The following SS18 variants were observed in gnomAD, a reference collection of about 807,000 sequenced individuals.
SS18 encodes protein SSXT.
Under a neutral mutation model 72.5 loss-of-function variants are expected in SS18, and 28 were observed. That is an observed-to-expected ratio of 0.39 (90% CI 0.29 to 0.53). The LOEUF (loss-of-function observed/expected upper bound fraction) is 0.53. Among genes scored for constraint, SS18 ranks in the 20% least tolerant of loss-of-function variants. SS18 has a pLI of 0.76. For synonymous variants in SS18, 172 were observed against 164.2 expected, an observed-to-expected ratio of 1.05 and a Z score of -0.37; for missense variants, 518 against 535.3, an observed-to-expected ratio of 0.97 and a Z score of 0.32.
At chr18:26,027,643 G>A (rs1258828610) in intron 10 of SS18, among the ~76,000 whole-genome samples, 1 of 115,480 alleles carries the variant, frequency 8.7e-6, no homozygotes, top group African/African-American at 3.3e-5. Context: ...CTGCACACCA[G>A]CCTGGTGGTG....
intron 10 of SS18, 121 bp downstream of exon 10, chr18:26,032,278 C>T: frequency 1.7e-6 from 2 of 1,162,968 alleles, no homozygotes; most frequent in South Asian, 1.6e-5. Context: ...ACAAATGTAC[C>T]ATAAACATTC....
rs757301719 is a variant in SS18 at position 26,062,454 on chromosome 18, A to C, written c.232-4712T>G. 8.3e-4 allele frequency among the ~76,000 whole-genome samples: 126 copies of C among 152,214 alleles called. 2 individuals carry two copies. Among genetic ancestry groups the C allele is most frequent in the Non-Finnish European group, 5.9e-4 (40 of 68,036 alleles). ...TATTAAAGATGTACACTGTAAAATTATATGTAAAATCAAATAGAAAAAATT... is the reference window on the plus strand; with the variant it reads ...TATTAAAGATGTACACTGTAAAATTCTATGTAAAATCAAATAGAAAAAATT... On this transcript the variant is annotated intron_variant, in intron 3 of 10. Transcript: ENST00000415083.
intron 10 of SS18, among the ~76,000 whole-genome samples, chr18:26,027,639 A>C (rs1475162925): frequency 1.4e-5 from 2 of 138,442 alleles, no homozygotes; most frequent in Non-Finnish European, 3.1e-5. Context: ...GCCACTGCAC[A>C]CCAGCCTGGT....
At chr18:26,062,171 G>A (rs1391834254) in intron 3 of SS18, among the ~76,000 whole-genome samples, 1 of 152,282 alleles carries the variant, frequency 6.6e-6, no homozygotes. Flanking sequence ...TGAGACAGGA[G>A]AGTTGCTTGA....
At chr18:26,046,530 T>A (rs2053826794) in intron 5 of SS18, among the ~76,000 whole-genome samples, 2 of 152,236 alleles carry the variant, frequency 1.3e-5, no homozygotes, top group South Asian at 4.1e-4. Flanking sequence ...ACTTCTCTCA[T>A]TTGTATCAAT....
intron 3 of SS18, among the ~76,000 whole-genome samples, chr18:26,064,588 T>C (rs963097443): frequency 1.3e-5 from 2 of 152,038 alleles, no homozygotes; most frequent in Non-Finnish European, 2.9e-5. Flanking sequence ...ATAAAATCTT[T>C]CAGAAACTAA....
intron 5 of SS18, among the ~76,000 whole-genome samples, chr18:26,051,524 T>C (rs1452899538): frequency 3.3e-5 from 5 of 152,248 alleles, no homozygotes; most frequent in African/African-American, 1.2e-4. Flanking sequence ...CCATCATTAA[T>C]GGAGTTGCTG....
chr18:26,060,610 A>T (rs1456290764), intron 3 of SS18, among the ~76,000 whole-genome samples: 1 of 151,726 alleles, frequency 6.6e-6, no homozygotes, highest in Admixed American at 6.6e-5. Flanking sequence ...AAATTTAAAA[A>T]GACACCTAAG....
chr18:26,041,961 C>T (rs1421973970), intron 5 of SS18, among the ~76,000 whole-genome samples: 2 of 152,034 alleles, frequency 1.3e-5, no homozygotes, highest in Non-Finnish European at 1.5e-5. Flanking sequence ...CATTCATGAT[C>T]AAGCCTAAAC....
chr18:26,034,487 T>C (rs766654508), intron 9 of SS18, among the ~76,000 whole-genome samples: 3 of 152,000 alleles, frequency 2.0e-5, no homozygotes, highest in African/African-American at 7.3e-5. Flanking sequence ...TTCTGTATGA[T>C]ACACAGCTGC....
chr18:26,088,557 T>C (rs565487462), intron 1 of SS18, among the ~76,000 whole-genome samples: 4 of 152,336 alleles, frequency 2.6e-5, no homozygotes, highest in African/African-American at 9.6e-5. Flanking sequence ...TCTTTTAACA[T>C]TCCAAGCAAT....
rs781756441 is a variant in SS18, at chr18:26,078,130, T to C, written c.177A>G (p.Val59=). Residue 59 remains valine, a synonymous_variant, in exon 3 of 11, where the codon GTA becomes GTG. Transcript: ENST00000415083. ...QYQQMLHTNL[V]YLATIADSNQ... ...TAGAATCTGCTATTGTAGCAAGGTA[T>C]ACCAAGTTTGTGTGCAACATCTGCT... is the stretch of plus-strand genomic sequence containing the variant. 1.2e-6 allele frequency: 2 copies of C among 1,612,838 alleles called. No homozygotes were observed. Among genetic ancestry groups the C allele is most frequent in the East Asian group, 4.5e-5 (2 of 44,710 alleles).
chr18:26,038,506 A>T (rs751396323), intron 7 of SS18, 49 bp downstream of exon 7: 9 of 1,495,856 alleles, frequency 6.0e-6, no homozygotes, highest in Non-Finnish European at 8.4e-6. Context: ...CTCTACATTA[A>T]TATTAGGCAG....
chr18:26,054,630 A>C (rs541518394), intron 4 of SS18, among the ~76,000 whole-genome samples: 1 of 152,314 alleles, frequency 6.6e-6, no homozygotes, highest in East Asian at 1.9e-4. Flanking sequence ...ATCTTTGAGA[A>C]AGAAAAGATA....
rs185497418 is a variant in SS18, at chr18:26,023,722, C to A, written c.1231-5342G>T. On this transcript the variant is annotated intron_variant, in intron 10 of 10. Transcript: ENST00000415083. ...AAGCTGATTATTACCAGTACACCTGCATTTCAAGAAATGTTAACATCCTTC... is the reference window on the plus strand; with the variant it reads ...AAGCTGATTATTACCAGTACACCTGAATTTCAAGAAATGTTAACATCCTTC... 4.3e-4 allele frequency: 203 copies of A among 472,206 alleles called. 2 individuals carry two copies. The East Asian group carries it at 6.8e-3, about 16-fold the overall frequency. 29.3% of individuals were successfully genotyped at this position (472,206 alleles called of 1,614,324 possible). A position where few individuals can be genotyped will look rare whatever the true frequency, so the allele number is the denominator to read the frequency against.
intron 5 of SS18, among the ~76,000 whole-genome samples, chr18:26,051,664 C>T (rs1555648568): frequency 9.9e-5 from 15 of 151,632 alleles, no homozygotes; most frequent in Non-Finnish European, 2.2e-4. Context: ...CTAATAAAAA[C>T]AAAAAAATAA....
chr18:26,027,674 A>T, intron 10 of SS18, among the ~76,000 whole-genome samples: 1 of 65,632 alleles, frequency 1.5e-5, no homozygotes, highest in African/African-American at 1.3e-4. Context: ...ACTCATCTAA[A>T]AAAAAAAAAA....
intron 10 of SS18, among the ~76,000 whole-genome samples, chr18:26,019,236 T>C (rs1348196864): frequency 6.6e-6 from 1 of 152,190 alleles, no homozygotes; most frequent in Non-Finnish European, 1.5e-5. Context: ...ATGTATTTTA[T>C]TACAAATTTC....
At position 26,057,717 on chromosome 18, in the gene SS18, C is replaced by T. The variant is rs766310223; in HGVS notation, c.257G>A (p.Gly86Asp). 6.2e-7 allele frequency: 1 copy of T among 1,610,644 alleles called. No homozygotes were observed. Among genetic ancestry groups the T allele is most frequent in the South Asian group, 1.1e-5 (1 of 90,430 alleles). Residue 86 changes from glycine (G) to aspartate (D), a missense_variant, in exon 4 of 11, where the codon GGT becomes GAT. Coordinates refer to ENST00000415083, the MANE Select transcript of SS18 (RefSeq NM_001007559.3). ...PAPPTQNMPM[G>D]PGGMNQSGPP... ...GCCGCTCTGATTCATCCCTCCAGGACCCATAGGCATATTCTGTGTGGGTGG... is the reference window on the plus strand; with the variant it reads ...GCCGCTCTGATTCATCCCTCCAGGATCCATAGGCATATTCTGTGTGGGTGG...
Sources: gnomAD v4.1 joint callset for allele counts (sites outside exome capture counted in the v4.1 genomes callset) on GRCh38, gnomAD v4.1.1 for gene constraint, MANE v1.5 for transcripts, NCBI Gene and HGNC (gene_info 2026-07-23, HGNC 2026-07-21) for gene names.